The following SCD5 variants were observed in gnomAD, a reference collection of about 807,000 sequenced individuals.
SCD5 encodes stearoyl-CoA desaturase 5, also known as acyl-CoA-desaturase 4.
A neutral mutation model predicts 30.4 loss-of-function variants in SCD5; 20 were observed. That is an observed-to-expected ratio of 0.66 (90% CI 0.46 to 0.96). The LOEUF (loss-of-function observed/expected upper bound fraction) is 0.96. Ranked by LOEUF, SCD5 falls within the 40% of genes least tolerant of loss-of-function variation. The pLI is 0.00. For synonymous variants in SCD5, 173 were observed against 176.4 expected (o/e 0.98, Z 0.16); for missense variants, 381 against 443.3 (o/e 0.86, Z 1.26).
chr4:82,696,414 T>C (rs1719696551), intron 2 of SCD5, among the ~76,000 whole-genome samples: 1 of 152,240 alleles, frequency 6.6e-6, no homozygotes, highest in Non-Finnish European at 1.5e-5. Context: ...TGAAAAACAA[T>C]TCAATATCTA....
At chr4:82,760,902 AAC>A (rs1455876662) in intron 1 of SCD5, among the ~76,000 whole-genome samples, 1 of 152,208 alleles carries the variant, frequency 6.6e-6, no homozygotes, top group Non-Finnish European at 1.5e-5. Flanking sequence ...TTCAACACCT[AAC>A]ACAGTGCCCT....
In SCD5 at chr4:82,784,315, C is replaced by G. The variant is rs115212555; in HGVS notation, c.232+13991G>C. Reference sequence around the variant, plus strand: ...TTGAGTGACGCTGACCCCAGGCTAGCCCGAGAACCTAGACACAATATACAG... The same window carrying G: ...TTGAGTGACGCTGACCCCAGGCTAGGCCGAGAACCTAGACACAATATACAG... On this transcript the variant is annotated intron_variant, in intron 1 of 4. Coordinates refer to ENST00000319540, the MANE Select transcript of SCD5 (RefSeq NM_001037582.3). Among the ~76,000 whole-genome samples the G allele has an allele frequency of 6.1e-3, 929 of 152,212 alleles. 4 individuals are homozygous for G. Among genetic ancestry groups the G allele is most frequent in the Non-Finnish European group, 0.01 (687 of 68,012 alleles).
chr4:82,651,009 T>C (rs1378085941), intron 3 of SCD5, among the ~76,000 whole-genome samples: 1 of 152,222 alleles, frequency 6.6e-6, no homozygotes, highest in East Asian at 1.9e-4. Flanking sequence ...TGACACTGTG[T>C]GGTATCTTTG....
chr4:82,630,805 CA>C lies in SCD5; in HGVS notation c.*521del, dbSNP rs1345252634. On this transcript the variant is annotated 3_prime_UTR_variant, in exon 5 of 5. Transcript: ENST00000319540. ...TGGGGGACAGAGCGAGCCTCCGTCT[CA>C]AAAAAAAAAAAGTTTTTTTCGGCAG... The C allele has an allele frequency of 5.3e-4, 75 of 140,532 alleles. No individual in the cohort carries two copies. The highest frequency in any genetic ancestry group is 6.1e-4 in the Non-Finnish European group (39 of 64,302). The allele number at this position is 140,532 out of a possible 1,614,324, so 8.7% of individuals were successfully genotyped here. A position where few individuals can be genotyped will look rare whatever the true frequency, so the allele number is the denominator to read the frequency against.
chr4:82,648,869 A>C (rs17005990), intron 3 of SCD5, among the ~76,000 whole-genome samples: 1 of 152,154 alleles, frequency 6.6e-6, no homozygotes, highest in African/African-American at 2.4e-5. Context: ...CTAAGAGTAC[A>C]AAATTATGAG....
intron 1 of SCD5, among the ~76,000 whole-genome samples, chr4:82,707,902 A>G (rs908639934): frequency 1.8e-4 from 28 of 152,262 alleles, no homozygotes; most frequent in African/African-American, 6.5e-4. Context: ...CTGTAAGAAA[A>G]TAAATATGTT....
At chr4:82,726,704 T>C (rs911524316) in intron 1 of SCD5, among the ~76,000 whole-genome samples, 2 of 152,202 alleles carry the variant, frequency 1.3e-5, no homozygotes, top group Non-Finnish European at 2.9e-5. Context: ...TCTATTTTAT[T>C]ATGCTTTAAA....
chr4:82,769,106 C>T (rs1480675983), intron 1 of SCD5, among the ~76,000 whole-genome samples: 2 of 152,050 alleles, frequency 1.3e-5, no homozygotes, highest in Non-Finnish European at 2.9e-5. Context: ...CTTCGCAGGT[C>T]CCTAGGAGCC....
At chr4:82,650,467 C>T (rs1355323801) in intron 3 of SCD5, among the ~76,000 whole-genome samples, 1 of 152,090 alleles carries the variant, frequency 6.6e-6, no homozygotes, top group Non-Finnish European at 1.5e-5. Context: ...GGCCAAAGGC[C>T]AGTGGATTAC....
At chr4:82,724,499 T>C (rs562165303) in intron 1 of SCD5, among the ~76,000 whole-genome samples, 1 of 152,338 alleles carries the variant, frequency 6.6e-6, no homozygotes, top group South Asian at 2.1e-4. Context: ...ACAGACTTTC[T>C]AATACCAAAC....
At chr4:82,647,347 TTTAAC>T (rs1727653513) in intron 3 of SCD5, among the ~76,000 whole-genome samples, 1 of 562 alleles carries the variant, frequency 1.8e-3, no homozygotes, top group Non-Finnish European at 2.8e-3. Flanking sequence ...TCCAAAACTC[TTTAAC>T]AACTCAATAA....
chr4:82,694,751 T>C (rs1719659127), intron 2 of SCD5, among the ~76,000 whole-genome samples: 1 of 152,212 alleles, frequency 6.6e-6, no homozygotes, highest in Admixed American at 6.5e-5. Flanking sequence ...TCTTCATCCT[T>C]GTCTTCTTTG....
chr4:82,774,645 T>C (rs1721705777), intron 1 of SCD5, among the ~76,000 whole-genome samples: 1 of 152,154 alleles, frequency 6.6e-6, no homozygotes, highest in Non-Finnish European at 1.5e-5. Context: ...CACTTCTCCC[T>C]GGGAGAAAAG....
chr4:82,691,435 G>T (rs561250080), intron 2 of SCD5, among the ~76,000 whole-genome samples: 1 of 152,184 alleles, frequency 6.6e-6, no homozygotes, highest in South Asian at 2.1e-4. Context: ...TGGAACAATC[G>T]AGGAACTAAG....
chr4:82,668,349 A>G (rs1728236116), intron 3 of SCD5, among the ~76,000 whole-genome samples: 1 of 152,144 alleles, frequency 6.6e-6, no homozygotes, highest in South Asian at 2.1e-4. Flanking sequence ...GTGTCTGTAG[A>G]GAGAGGGGCC....
At chr4:82,783,848 G>T (rs917531424) in intron 1 of SCD5, among the ~76,000 whole-genome samples, 7 of 149,306 alleles carry the variant, frequency 4.7e-5, no homozygotes, top group African/African-American at 1.7e-4. Context: ...AAAAGAAAAA[G>T]ATTTTTTAAA....
intron 3 of SCD5, among the ~76,000 whole-genome samples, chr4:82,671,951 T>A (rs570149275): frequency 1.5e-4 from 23 of 152,162 alleles, no homozygotes; most frequent in African/African-American, 5.1e-4. Flanking sequence ...TACTTCTAAA[T>A]AACACATGGG....
At chr4:82,666,580 C>G (rs984926269) in intron 3 of SCD5, among the ~76,000 whole-genome samples, 5 of 151,338 alleles carry the variant, frequency 3.3e-5, no homozygotes, top group Non-Finnish European at 5.9e-5. Flanking sequence ...CTCTACATAG[C>G]CTAGAAAGAG....
intron 3 of SCD5, among the ~76,000 whole-genome samples, chr4:82,650,219 T>A (rs924391934): frequency 6.6e-6 from 1 of 152,190 alleles, no homozygotes; most frequent in Non-Finnish European, 1.5e-5. Context: ...GAATAGGACA[T>A]AGTCCTCATG....
Sources: allele counts gnomAD v4.1 joint callset (sites outside exome capture counted in the v4.1 genomes callset), GRCh38; gene constraint gnomAD v4.1.1; transcripts MANE v1.5; gene names NCBI Gene and HGNC (gene_info 2026-07-23, HGNC 2026-07-21).